Variants in CADM2 observed in about 807,000 individuals in gnomAD.
CADM2 encodes the protein cell adhesion molecule 2, also known as immunoglobulin superfamily member 4D.
A neutral mutation model predicts 49.8 loss-of-function variants in CADM2; 12 were observed. The observed-to-expected ratio is 0.24, with a 90% CI of 0.15 to 0.39. CADM2 has a LOEUF of 0.39. CADM2 is among the 10% of genes least tolerant of loss of function. The pLI is 1.00. For synonymous variants in CADM2, 214 were observed against 175.4 expected, an observed-to-expected ratio of 1.22 and a Z score of -1.74; for missense variants, 378 against 492.3, an observed-to-expected ratio of 0.77 and a Z score of 2.20.
intron 1 of CADM2, among the ~76,000 whole-genome samples, chr3:85,428,669 A>G (rs2107515783): frequency 6.9e-6 from 1 of 144,786 alleles, no homozygotes; most frequent in Non-Finnish European, 1.5e-5. Flanking sequence ...AATATATCAT[A>G]TATAATATAT....
At chr3:85,795,326 A>G (rs1205202854) in intron 2 of CADM2, among the ~76,000 whole-genome samples, 1 of 152,192 alleles carries the variant, frequency 6.6e-6, no homozygotes, top group African/African-American at 2.4e-5. Context: ...AAGGCAATTC[A>G]TAGCTTTGAG....
chr3:85,369,216 C>T (rs550361206), intron 1 of CADM2, among the ~76,000 whole-genome samples: 5 of 152,178 alleles, frequency 3.3e-5, no homozygotes, highest in African/African-American at 9.6e-5. Flanking sequence ...TTAATGATGG[C>T]GAATTGTACC....
intron 1 of CADM2, among the ~76,000 whole-genome samples, chr3:85,277,509 T>A (rs1301103368): frequency 2.0e-5 from 3 of 151,402 alleles, no homozygotes; most frequent in Non-Finnish European, 4.4e-5. Flanking sequence ...TTTGCATGAA[T>A]CAACTTTCAC....
chr3:85,183,437 A>G (rs549518904), intron 1 of CADM2, among the ~76,000 whole-genome samples: 196 of 152,024 alleles, frequency 1.3e-3, no homozygotes, highest in African/African-American at 4.2e-3. Context: ...ATTCACAAAG[A>G]AAAAAAACAC....
intron 1 of CADM2, among the ~76,000 whole-genome samples, chr3:85,493,222 G>A (rs1381943750): frequency 2.0e-5 from 3 of 152,020 alleles, no homozygotes; most frequent in Non-Finnish European, 4.4e-5. Flanking sequence ...AGGTTTTAAA[G>A]TTTTTCCAAA....
chr3:85,718,906 A>G (rs1327270729), intron 1 of CADM2, among the ~76,000 whole-genome samples: 1 of 147,480 alleles, frequency 6.8e-6, no homozygotes, highest in Non-Finnish European at 1.5e-5. Flanking sequence ...TATTATTATT[A>G]TTATTATTAT....
At chr3:85,622,837 C>T (rs900070713) in intron 1 of CADM2, among the ~76,000 whole-genome samples, 4 of 152,112 alleles carry the variant, frequency 2.6e-5, no homozygotes, top group Non-Finnish European at 5.9e-5. Flanking sequence ...TAACAACACA[C>T]ATTCTTTTCT....
intron 2 of CADM2, among the ~76,000 whole-genome samples, chr3:85,743,964 T>C (rs2068502711): frequency 6.6e-6 from 1 of 152,186 alleles, no homozygotes; most frequent in Non-Finnish European, 1.5e-5. Context: ...TTCTGTTCAA[T>C]GGTGTATACA....
intron 8 of CADM2, among the ~76,000 whole-genome samples, chr3:85,974,011 G>T (rs1475856333): frequency 1.3e-5 from 2 of 151,552 alleles, no homozygotes; most frequent in African/African-American, 2.4e-5. Flanking sequence ...GCTAATGAGG[G>T]ATTGGCTCAG....
chr3:85,651,111 T>TTTTCCTC (rs2065030830), intron 1 of CADM2, among the ~76,000 whole-genome samples: 1 of 151,978 alleles, frequency 6.6e-6, no homozygotes, highest in African/African-American at 2.4e-5. Context: ...GGCTACAACA[T>TTTTCCTC]AAATAAAATT....
chr3:85,560,115 A>G (rs2107172966), intron 1 of CADM2, among the ~76,000 whole-genome samples: 1 of 152,302 alleles, frequency 6.6e-6, no homozygotes, highest in African/African-American at 2.4e-5. Context: ...AAGGAAAATT[A>G]TAGAAAAAAA....
intron 1 of CADM2, among the ~76,000 whole-genome samples, chr3:85,381,984 C>CT (rs547229208): frequency 0.012 from 1,815 of 145,984 alleles, 39 homozygotes; most frequent in African/African-American, 0.042. Flanking sequence ...CTCACCAAGC[C>CT]TTTTTTTTTT....
intron 1 of CADM2, among the ~76,000 whole-genome samples, chr3:85,193,845 GA>G (rs2041273468): frequency 6.6e-6 from 1 of 152,066 alleles, no homozygotes; most frequent in South Asian, 2.1e-4. Flanking sequence ...TGTATGAACT[GA>G]AAACCTAAAA....
At chr3:85,876,820 AAACT>A (rs768366121) in intron 3 of CADM2, among the ~76,000 whole-genome samples, 160 of 152,242 alleles carry the variant, frequency 1.1e-3, no homozygotes, top group South Asian at 4.1e-4. Context: ...ATTTGGTCTA[AAACT>A]AACTAATATA....
intron 7 of CADM2, among the ~76,000 whole-genome samples, chr3:85,950,143 ATATAT>A (rs557084977): frequency 1.2e-4 from 18 of 151,330 alleles, no homozygotes; most frequent in Non-Finnish European, 1.8e-4. Context: ...TTATTGTTAA[ATATAT>A]TATAAAGATT....
intron 8 of CADM2, among the ~76,000 whole-genome samples, chr3:86,026,077 G>T (rs1366999013): frequency 6.6e-6 from 1 of 152,086 alleles, no homozygotes; most frequent in African/African-American, 2.4e-5. Context: ...TGTTTATTGT[G>T]TACTAGGGAA....
intron 1 of CADM2, among the ~76,000 whole-genome samples, chr3:85,226,379 A>G (rs1271344311): frequency 6.6e-6 from 1 of 151,742 alleles, no homozygotes; most frequent in Non-Finnish European, 1.5e-5. Context: ...GAATTTATCC[A>G]TTTCTTCTAG....
intron 7 of CADM2, among the ~76,000 whole-genome samples, chr3:85,937,766 A>C (rs1559753269): frequency 6.6e-6 from 1 of 151,980 alleles, no homozygotes; most frequent in Non-Finnish European, 1.5e-5. Flanking sequence ...GAAACTTGTC[A>C]AATTTCTACC....
At chr3:85,359,660 A>ATTTT (rs1289345059) in intron 1 of CADM2, among the ~76,000 whole-genome samples, 5 of 19,450 alleles carry the variant, frequency 2.6e-4, no homozygotes, top group Admixed American at 1.3e-3. Flanking sequence ...ATATATATAT[A>ATTTT]TATATATTTT....
Sources: gnomAD v4.1 joint callset for allele counts (sites outside exome capture counted in the v4.1 genomes callset) on GRCh38, gnomAD v4.1.1 for gene constraint, MANE v1.5 for transcripts, NCBI Gene and HGNC (gene_info 2026-07-23, HGNC 2026-07-21) for gene names.